GPER1: variants seen among roughly 807,000 people sequenced by gnomAD.
The protein encoded by GPER1 is G protein-coupled estrogen receptor 1.
A neutral mutation model predicts 0.6 loss-of-function variants in GPER1; 2 were observed. The observed-to-expected ratio is 3.41, with a 90% CI of 1.39 to 10.72. The LOEUF is 10.72. Among genes scored for constraint, GPER1 ranks in the 30% most tolerant of loss-of-function variants. The pLI, the probability that GPER1 is intolerant of heterozygous loss-of-function variation, is 0.04. For missense variants in GPER1, 441 were observed against 535.2 expected (o/e 0.82, Z 1.74); for synonymous variants, 263 against 247.6 (o/e 1.06, Z -0.58).
chr7:1,087,821 C>T (rs1000988443), upstream of GPER1, among the ~76,000 whole-genome samples: 1 of 152,244 alleles, frequency 6.6e-6, no homozygotes, highest in Non-Finnish European at 1.5e-5. Context: ...TTGCTTGCTT[C>T]AACCCAGGAG....
rs1411728236 is a variant in GPER1, at chr7:1,088,747, C to T, written c.-323+426C>T. Among the ~76,000 whole-genome samples, 4 of 152,144 alleles carry T rather than the reference C, an allele frequency of 2.6e-5. No homozygotes were observed. Among genetic ancestry groups the T allele is most frequent in the Non-Finnish European group, 5.9e-5 (4 of 68,016 alleles). On this transcript the variant is annotated intron_variant, in intron 1 of 1. Transcript: ENST00000397088. The surrounding 1 kb of genome is among the most constrained non-coding windows in gnomAD (Gnocchi z 4.5). ...CTTAATACAGCTGACTAAAGTGTGG[C>T]TTTATTTCTCTATGACAAGCAGAGG...
Position 1,092,536 on chromosome 7 carries a change from G to A in GPER1, c.808G>A (p.Val270Ile), listed in dbSNP as rs376978032. 2.4e-4 allele frequency: 384 copies of A among 1,608,772 alleles called. 1 individual carries two copies. The highest frequency in any genetic ancestry group is 3.1e-4 in the Non-Finnish European group (368 of 1,179,970). Residue 270 changes from valine (V) to isoleucine (I), a missense_variant, in exon 2 of 2, where the codon GTC becomes ATC. Val to Ile is a conservative substitution (Grantham distance 29, BLOSUM62 3). Coordinates refer to ENST00000397088, the MANE Select transcript of GPER1 (RefSeq NM_001098201.3). ...MILAVVLVFF[V>I]CWLPENVFIS... ...CCTCGCGGTGGTGCTGGTCTTCTTC[G>A]TCTGCTGGCTGCCGGAGAACGTCTT...
Position 1,092,189 on chromosome 7 carries a change from A to G in GPER1, c.461A>G (p.Asp154Gly), listed in dbSNP as rs79000433. 1 of 1,613,160 alleles carries G rather than the reference A, an allele frequency of 6.2e-7. No individual in the cohort carries two copies. The highest frequency in any genetic ancestry group is 8.5e-7 in the Non-Finnish European group (1 of 1,180,002). ...TTCTTCCTCACCTGGATGAGCTTCG[A>G]CCGCTACATCGCCCTGGCCAGGGCC... ...SVFFLTWMSF[D>G]RYIALARAMR... Residue 154 changes from aspartate to glycine, a missense_variant, in exon 2 of 2, where the codon GAC (aspartate) becomes GGC (glycine). Coordinates refer to ENST00000397088, the MANE Select transcript of GPER1 (RefSeq NM_001098201.3).
chr7:1,090,675 G>A (rs912805258), intron 1 of GPER1, among the ~76,000 whole-genome samples: 1 of 152,250 alleles, frequency 6.6e-6, no homozygotes, highest in African/African-American at 2.4e-5. Flanking sequence ...CGCCGTGGGC[G>A]GACAGCCCAC....
rs766104171 is a variant in GPER1 at position 1,092,830 on chromosome 7, G to A, written c.1102G>A (p.Asp368Asn). Residue 368 changes from aspartate to asparagine, a missense_variant, in exon 2 of 2, where the codon GAT (aspartate) becomes AAT (asparagine). Physicochemically the swap from Asp to Asn is conservative, Grantham distance 23. Transcript: ENST00000397088. ...AVIPDSTEQS[D>N]VRFSSAV ...CATTCCAGACAGCACCGAGCAGTCG[G>A]ATGTGAGGTTCAGCAGTGCCGTGTA... is the stretch of plus-strand genomic sequence containing the variant. The A allele has an allele frequency of 2.5e-6, 4 of 1,613,110 alleles. No homozygotes were observed. Among genetic ancestry groups the A allele is most frequent in the Non-Finnish European group, 3.4e-6 (4 of 1,179,852 alleles).
At position 1,092,106 on chromosome 7, in the gene GPER1, C is replaced by T. The variant is rs139356997; in HGVS notation, c.378C>T (p.Ile126=). The change falls in exon 2 of 2, where the codon ATC becomes ATT. Residue 126 remains isoleucine (I), a synonymous_variant. Transcript: ENST00000397088. ...VFNLHERYYD[I]AVLCTFMSLF... ...ACCTGCACGAGCGGTACTACGACATCGCCGTCCTGTGCACCTTCATGTCGC... is the reference window on the plus strand; with the variant it reads ...ACCTGCACGAGCGGTACTACGACATTGCCGTCCTGTGCACCTTCATGTCGC... The T allele has an allele frequency of 3.5e-5, 56 of 1,613,884 alleles. No homozygotes were observed. Among genetic ancestry groups the T allele is most frequent in the African/African-American group, 2.0e-4 (15 of 75,064 alleles).
chr7:1,093,158 G>A lies in GPER1; in HGVS notation c.*302G>A, dbSNP rs990770893. 13 of 591,410 alleles carry A rather than the reference G, an allele frequency of 2.2e-5. No individual in the cohort carries two copies. Among genetic ancestry groups the A allele is most frequent in the African/African-American group, 1.3e-4 (7 of 54,386 alleles). 36.6% of individuals were successfully genotyped at this position (591,410 alleles called of 1,614,324 possible). A position where few individuals can be genotyped will look rare whatever the true frequency, so the allele number is the denominator to read the frequency against. On this transcript the variant is annotated 3_prime_UTR_variant, in exon 2 of 2. Coordinates refer to ENST00000397088, the MANE Select transcript of GPER1 (RefSeq NM_001098201.3). Reference sequence around the variant, plus strand: ...CTCCTCCCCGCCAACCCTGCCTGCCGCTGCACCTGCCTGCCGCTGCAGGAA... The same window carrying A: ...CTCCTCCCCGCCAACCCTGCCTGCCACTGCACCTGCCTGCCGCTGCAGGAA...
chr7:1,091,936 T>C lies in GPER1; in HGVS notation c.208T>C (p.Phe70Leu), dbSNP rs1188773845. The C allele has an allele frequency of 6.2e-7, 1 of 1,613,914 alleles. No homozygotes were observed. Among genetic ancestry groups the C allele is most frequent in the African/African-American group, 1.3e-5 (1 of 74,932 alleles). The change falls in exon 2 of 2, where the codon TTC becomes CTC. Residue 70 changes from phenylalanine to leucine, a missense_variant. Coordinates refer to ENST00000397088, the MANE Select transcript of GPER1 (RefSeq NM_001098201.3). ...CTCGTGCCTCTACACCATCTTCCTC[T>C]TCCCCATCGGCTTTGTGGGCAACAT... The part of the protein sequence containing the change: ...FLSCLYTIFL[F>L]PIGFVGNILI...
chr7:1,093,377 C>T lies in GPER1; in HGVS notation c.*521C>T, dbSNP rs750442253. On this transcript the variant is annotated 3_prime_UTR_variant, in exon 2 of 2. Coordinates refer to ENST00000397088, the MANE Select transcript of GPER1 (RefSeq NM_001098201.3). ...CCACGGTCTGAGCTAGCTAGCGCAC[C>T]GCCGAGTTAAAGAGGAGAAGGAAAA... 13 of 436,062 alleles carry T rather than the reference C, an allele frequency of 3.0e-5. No homozygotes were observed. In the East Asian group the frequency reaches 3.6e-4, roughly 12 times the overall value. 27.0% of individuals were successfully genotyped at this position (436,062 alleles called of 1,614,324 possible).
In GPER1 at chr7:1,092,934, C is replaced by A. The variant is rs774362025; in HGVS notation, c.*78C>A. The A allele has an allele frequency of 2.2e-6, 3 of 1,339,178 alleles. No homozygotes were observed. The highest frequency in any genetic ancestry group is 1.2e-5 in the South Asian group (1 of 81,460). The allele number at this position is 1,339,178 out of a possible 1,614,324, so 83.0% of individuals were successfully genotyped here. On this transcript the variant is annotated 3_prime_UTR_variant, in exon 2 of 2. Coordinates refer to ENST00000397088, the MANE Select transcript of GPER1 (RefSeq NM_001098201.3). ...CCTGGGTGGACACAAGGCACGGCCA[C>A]GTCATGTCTCTAAACTGCGGTCAGA... is the stretch of plus-strand genomic sequence containing the variant.
At position 1,092,746 on chromosome 7, in the gene GPER1, G is replaced by C. The variant is rs1202058053; in HGVS notation, c.1018G>C (p.Glu340Gln). 6.2e-7 allele frequency: 1 copy of C among 1,613,544 alleles called. No homozygotes were observed. The highest frequency in any genetic ancestry group is 8.5e-7 in the Non-Finnish European group (1 of 1,180,024). ...TFRDKLRLYI[E>Q]QKTNLPALNR... Reference sequence around the variant, plus strand: ...CAGGGACAAGCTGAGGCTGTACATTGAGCAGAAAACAAATTTGCCGGCCCT... The same window carrying C: ...CAGGGACAAGCTGAGGCTGTACATTCAGCAGAAAACAAATTTGCCGGCCCT... The change falls in exon 2 of 2, where the codon GAG becomes CAG. Residue 340 changes from glutamate (E) to glutamine (Q), a missense_variant. Transcript: ENST00000397088.
rs1356520461 is a variant in GPER1 at position 1,092,845 on chromosome 7, A to G, written c.1117A>G (p.Ser373Gly). Residue 373 changes from serine (S) to glycine (G), a missense_variant, in exon 2 of 2, where the codon AGT becomes GGT. Physicochemically the swap from Ser to Gly is moderately conservative, Grantham distance 56. Coordinates refer to ENST00000397088, the MANE Select transcript of GPER1 (RefSeq NM_001098201.3). Reference sequence around the variant, plus strand: ...CGAGCAGTCGGATGTGAGGTTCAGCAGTGCCGTGTAGACAGCCTTGGCCGC... The same window carrying G: ...CGAGCAGTCGGATGTGAGGTTCAGCGGTGCCGTGTAGACAGCCTTGGCCGC... ...STEQSDVRFS[S>G]AV is the part of the protein sequence containing the mutation. 6.2e-7 allele frequency: 1 copy of G among 1,612,208 alleles called. No homozygotes were observed. Among genetic ancestry groups the G allele is most frequent in the Non-Finnish European group, 8.5e-7 (1 of 1,179,462 alleles).
rs1028034723 is a variant in GPER1 at position 1,091,696 on chromosome 7, C to T, written c.-33C>T. The T allele has an allele frequency of 9.5e-6, 14 of 1,471,614 alleles. No homozygotes were observed. The highest frequency in any genetic ancestry group is 9.5e-5 in the South Asian group (7 of 73,734). 91.2% of individuals were successfully genotyped at this position (1,471,614 alleles called of 1,614,324 possible). A position where few individuals can be genotyped will look rare whatever the true frequency, so the allele number is the denominator to read the frequency against. ...TTAAAACAGAGCTCTGGGAGCCTTT[C>T]GGCAAATCTTGAAAGCTGCACGGTG... On this transcript the variant is annotated 5_prime_UTR_variant, in exon 2 of 2. Coordinates refer to ENST00000397088, the MANE Select transcript of GPER1 (RefSeq NM_001098201.3).
intron 1 of GPER1, among the ~76,000 whole-genome samples, chr7:1,090,195 G>A (rs879728753): frequency 6.6e-6 from 1 of 152,252 alleles, no homozygotes; most frequent in Non-Finnish European, 1.5e-5. Flanking sequence ...CACCATCTGG[G>A]CCAGGTAATT....
Position 1,093,302 on chromosome 7 carries a change from T to C in GPER1, c.*446T>C, listed in dbSNP as rs574568453. On this transcript the variant is annotated 3_prime_UTR_variant, in exon 2 of 2. Transcript: ENST00000397088. ...ACCGTGGGGGAACTGACGCTGGAGA[T>C]GCAAGGTGCTGGTGGGTCTGAGCTG... 8.8e-4 allele frequency: 375 copies of C among 427,460 alleles called. No homozygotes were observed. Among genetic ancestry groups the C allele is most frequent in the Non-Finnish European group, 1.4e-3 (293 of 203,326 alleles). The allele number at this position is 427,460 out of a possible 1,614,324, so 26.5% of individuals were successfully genotyped here.
At position 1,093,765 on chromosome 7, in the gene GPER1, AGGCTGGT is replaced by A; in HGVS notation, c.*911_*917del. 1 of 445,090 alleles carries A rather than the reference AGGCTGGT, an allele frequency of 2.2e-6. No homozygotes were observed. The highest frequency in any genetic ancestry group is 1.6e-5 in the South Asian group (1 of 60,896). The allele number at this position is 445,090 out of a possible 1,614,324, so 27.6% of individuals were successfully genotyped here. A position where few individuals can be genotyped will look rare whatever the true frequency, so the allele number is the denominator to read the frequency against. ...CCATAAAATGTAAGAAAAGCTGATG[AGGCTGGT>A]GACGTTCAGCCTTTGTCAATAAACC... On this transcript the variant is annotated 3_prime_UTR_variant, in exon 2 of 2. Transcript: ENST00000397088.
At position 1,092,161 on chromosome 7, in the gene GPER1, G is replaced by A. The variant is rs776489649; in HGVS notation, c.433G>A (p.Val145Ile). Residue 145 changes from valine (V) to isoleucine (I), a missense_variant, in exon 2 of 2, where the codon GTC becomes ATC. Val to Ile is a conservative substitution (Grantham distance 29, BLOSUM62 3). Coordinates refer to ENST00000397088, the MANE Select transcript of GPER1 (RefSeq NM_001098201.3). ...LFLQVNMYSS[V>I]FFLTWMSFDR... is the part of the protein sequence containing the mutation. Reference sequence around the variant, plus strand: ...CCTGCAGGTCAACATGTACAGCAGCGTCTTCTTCCTCACCTGGATGAGCTT... The same window carrying A: ...CCTGCAGGTCAACATGTACAGCAGCATCTTCTTCCTCACCTGGATGAGCTT... 49 of 1,613,348 alleles carry A rather than the reference G, an allele frequency of 3.0e-5. 1 individual carries two copies. Among genetic ancestry groups the A allele is most frequent in the East Asian group, 2.2e-5 (1 of 44,888 alleles).
rs1177341571 is a variant in GPER1, at chr7:1,092,213, C to T, written c.485C>T (p.Ala162Val). ...SFDRYIALAR[A>V]MRCSLFRTKH... ...GACCGCTACATCGCCCTGGCCAGGG[C>T]CATGCGCTGCAGCCTGTTCCGCACC... The change falls in exon 2 of 2, where the codon GCC (alanine) becomes GTC (valine). Residue 162 changes from alanine (A) to valine (V), a missense_variant. Transcript: ENST00000397088. The T allele has an allele frequency of 3.7e-6, 6 of 1,612,832 alleles. No homozygotes were observed. The highest frequency in any genetic ancestry group is 5.1e-6 in the Non-Finnish European group (6 of 1,180,044).
rs765060809 is a variant in GPER1, at chr7:1,092,547, G to A, written c.819G>A (p.Leu273=). ...TGCTGGTCTTCTTCGTCTGCTGGCTGCCGGAGAACGTCTTCATCAGCGTGC... is the reference window on the plus strand; with the variant it reads ...TGCTGGTCTTCTTCGTCTGCTGGCTACCGGAGAACGTCTTCATCAGCGTGC... ...AVVLVFFVCW[L]PENVFISVHL... The change falls in exon 2 of 2, where the codon CTG becomes CTA. Residue 273 remains leucine, a synonymous_variant. Transcript: ENST00000397088. The A allele has an allele frequency of 6.2e-7, 1 of 1,609,344 alleles. No homozygotes were observed. Among genetic ancestry groups the A allele is most frequent in the Non-Finnish European group, 8.5e-7 (1 of 1,179,966 alleles).
Sources: allele counts gnomAD v4.1 joint callset (sites outside exome capture counted in the v4.1 genomes callset), GRCh38; gene constraint gnomAD v4.1.1; non-coding constraint Gnocchi (gnomAD v3.1); transcripts MANE v1.5; gene names NCBI Gene and HGNC (gene_info 2026-07-23, HGNC 2026-07-21).